GRIK2: variants seen among roughly 807,000 people sequenced by gnomAD.
GRIK2 encodes the protein glutamate receptor ionotropic, kainate 2.
A neutral mutation model predicts 100.3 loss-of-function variants in GRIK2; 32 were observed. The ratio of observed to expected loss-of-function variants is 0.32; its 90% CI spans 0.24 to 0.43. The LOEUF (loss-of-function observed/expected upper bound fraction) is 0.43. GRIK2 is among the 20% of genes least tolerant of loss of function. GRIK2 has a pLI of 1.00. For synonymous variants in GRIK2, 417 were observed against 389.4 expected (o/e 1.07, Z -0.83); for missense variants, 843 against 1,114.9 (o/e 0.76, Z 3.47).
chr6:101,897,387 C>T (rs190936549), intron 12 of GRIK2, among the ~76,000 whole-genome samples: 2 of 151,688 alleles, frequency 1.3e-5, no homozygotes, highest in South Asian at 2.1e-4. Flanking sequence ...TTTTTCATAG[C>T]GGCAGAATAC....
chr6:101,529,179 C>G (rs1183750217), intron 2 of GRIK2, among the ~76,000 whole-genome samples: 1 of 151,988 alleles, frequency 6.6e-6, no homozygotes, highest in Non-Finnish European at 1.5e-5. Flanking sequence ...ATCTACTGAC[C>G]ATGGCAAAAC....
At chr6:101,525,602 A>G (rs1218400390) in intron 2 of GRIK2, among the ~76,000 whole-genome samples, 1 of 152,138 alleles carries the variant, frequency 6.6e-6, no homozygotes, top group Non-Finnish European at 1.5e-5. Flanking sequence ...CCATTCTTGA[A>G]TTTTAGGTAA....
chr6:101,923,684 G>A (rs534581452), intron 12 of GRIK2, among the ~76,000 whole-genome samples: 14 of 152,150 alleles, frequency 9.2e-5, no homozygotes, highest in Middle Eastern at 3.4e-3. Context: ...ACTTTGGGAG[G>A]CCCAGGCAGG....
chr6:101,537,256 T>C (rs1262499925), intron 2 of GRIK2, among the ~76,000 whole-genome samples: 2 of 151,822 alleles, frequency 1.3e-5, no homozygotes, highest in African/African-American at 2.4e-5. Flanking sequence ...GAAATTGTAT[T>C]TTTCCCATAT....
intron 7 of GRIK2, among the ~76,000 whole-genome samples, chr6:101,792,017 C>T (rs1358288258): frequency 1.3e-5 from 2 of 152,006 alleles, no homozygotes; most frequent in East Asian, 3.9e-4. Flanking sequence ...TTATCAGAGA[C>T]TAGGATTGCA....
intron 16 of GRIK2, among the ~76,000 whole-genome samples, chr6:102,064,255 CCTT>C (rs1771891922): frequency 6.7e-6 from 1 of 150,282 alleles, no homozygotes; most frequent in Admixed American, 6.7e-5. Flanking sequence ...TTCTTCTCCT[CCTT>C]CTCCTCCCTC....
intron 4 of GRIK2, among the ~76,000 whole-genome samples, chr6:101,671,802 T>G (rs1403414597): frequency 4.6e-5 from 7 of 152,044 alleles, no homozygotes; most frequent in Admixed American, 4.6e-4. Context: ...AGGCGGAGGT[T>G]GTAGTGAGCC....
At chr6:101,730,832 A>G (rs1775215595) in intron 7 of GRIK2, among the ~76,000 whole-genome samples, 2 of 151,876 alleles carry the variant, frequency 1.3e-5, no homozygotes, top group African/African-American at 2.4e-5. Flanking sequence ...AAATGAGAGG[A>G]TCAACCATGA....
At chr6:101,627,154 TAGAC>T (rs989335852) in intron 4 of GRIK2, among the ~76,000 whole-genome samples, 2 of 151,102 alleles carry the variant, frequency 1.3e-5, no homozygotes, top group African/African-American at 4.9e-5. Context: ...TGTGTGTACA[TAGAC>T]AGATAGATAG....
chr6:101,771,981 T>C (rs1006251717), intron 7 of GRIK2, among the ~76,000 whole-genome samples: 32 of 152,242 alleles, frequency 2.1e-4, no homozygotes, highest in African/African-American at 7.5e-4. Flanking sequence ...GTGAATAGTG[T>C]CGCAATAAAC....
At chr6:101,566,289 T>C (rs1372981267) in intron 2 of GRIK2, among the ~76,000 whole-genome samples, 2 of 151,988 alleles carry the variant, frequency 1.3e-5, no homozygotes, top group Non-Finnish European at 2.9e-5. Context: ...TATTTTGAAA[T>C]CTTAAGTTTG....
intron 4 of GRIK2, among the ~76,000 whole-genome samples, chr6:101,635,662 GA>G (rs1302772514): frequency 1.3e-5 from 2 of 151,300 alleles, no homozygotes; most frequent in Admixed American, 6.6e-5. Flanking sequence ...TTTACAAGAA[GA>G]AAAAACCCTA....
intron 10 of GRIK2, among the ~76,000 whole-genome samples, chr6:101,838,284 A>G (rs1783268234): frequency 6.6e-6 from 1 of 152,206 alleles, no homozygotes; most frequent in Admixed American, 6.5e-5. Context: ...TAAAACTTGT[A>G]TTAAATAAAT....
intron 2 of GRIK2, among the ~76,000 whole-genome samples, chr6:101,585,254 G>C (rs1778302107): frequency 1.3e-5 from 2 of 151,938 alleles, no homozygotes; most frequent in South Asian, 4.2e-4. Context: ...GTAAACTTTA[G>C]AACAGTTTTT....
At chr6:101,695,286 A>C (rs1319262889) in intron 7 of GRIK2, among the ~76,000 whole-genome samples, 4 of 152,044 alleles carry the variant, frequency 2.6e-5, no homozygotes, top group Admixed American at 1.3e-4. Flanking sequence ...CCAAAGGGCA[A>C]GAGAGTGGTC....
intron 7 of GRIK2, among the ~76,000 whole-genome samples, chr6:101,748,976 A>G (rs922917842): frequency 6.6e-6 from 1 of 152,210 alleles, no homozygotes; most frequent in Admixed American, 6.5e-5. Flanking sequence ...CTGGCTTTTC[A>G]TCTTTCTTAT....
At chr6:101,823,879 T>G (rs1415840491) in intron 10 of GRIK2, among the ~76,000 whole-genome samples, 3 of 150,894 alleles carry the variant, frequency 2.0e-5, no homozygotes, top group Admixed American at 1.3e-4. Context: ...TTTTTTTGTT[T>G]TTTTTTTTGA....
chr6:102,016,489 C>T (rs747685158), intron 14 of GRIK2, among the ~76,000 whole-genome samples: 1 of 150,946 alleles, frequency 6.6e-6, no homozygotes, highest in Non-Finnish European at 1.5e-5. Context: ...TGTAACTAAC[C>T]TGCACATTGT....
chr6:101,993,627 G>A (rs2128492852), intron 14 of GRIK2: 1 of 150,590 alleles, frequency 6.6e-6, no homozygotes, highest in African/African-American at 2.4e-5. Context: ...CAAAAATAAT[G>A]CCATAGTTCT....
Sources: gnomAD v4.1 joint callset for allele counts (sites outside exome capture counted in the v4.1 genomes callset) on GRCh38, gnomAD v4.1.1 for gene constraint, MANE v1.5 for transcripts, NCBI Gene and HGNC (gene_info 2026-07-23, HGNC 2026-07-21) for gene names.